ZNF518A: variants seen among roughly 807,000 people sequenced by gnomAD.
ZNF518A encodes the protein zinc finger protein 518.
In ZNF518A, 47 loss-of-function variants were observed where a neutral mutation model predicts 102.7. The ratio of observed to expected loss-of-function variants is 0.46; its 90% confidence interval spans 0.36 to 0.58. The LOEUF (loss-of-function observed/expected upper bound fraction) is 0.58, where lower values mean the gene tolerates loss of function less well. ZNF518A is among the 20% of genes least tolerant of loss of function. ZNF518A has a pLI of 0.00. For synonymous variants in ZNF518A, 652 were observed against 594.6 expected, an observed-to-expected ratio of 1.10 and a Z score of -1.40; for missense variants, 1,793 against 1,699.8, an observed-to-expected ratio of 1.05 and a Z score of -0.96.
intron 1 of ZNF518A, among the ~76,000 whole-genome samples, chr10:96,173,964 AAAT>A (rs2083188600): frequency 6.6e-6 from 1 of 152,144 alleles, no homozygotes; most frequent in South Asian, 2.1e-4. Context: ...GAAATTTTGA[AAAT>A]TCATAAATAT....
Position 96,160,212 on chromosome 10 carries a change from G to C in ZNF518A, c.3890G>C (p.Arg1297Thr). The C allele has an allele frequency of 6.2e-7, 1 of 1,611,774 alleles. No individual in the cohort carries two copies. Among genetic ancestry groups the C allele is most frequent in the Non-Finnish European group, 8.5e-7 (1 of 1,179,006 alleles). Residue 1297 changes from arginine (R) to threonine (T), a missense_variant, in exon 6 of 6, where the codon AGA (arginine) becomes ACA (threonine). Arg to Thr is a moderately conservative substitution (Grantham distance 71). Transcript: ENST00000316045. ...EPPRRKATLH[R>T]KCKEKAKPED... ...CCAAGAAGAAAAGCAACATTGCATA[G>C]AAAGTGTAAAGAAAAGGCAAAACCT...
intron 1 of ZNF518A, among the ~76,000 whole-genome samples, chr10:96,172,636 A>G (rs1554890995): frequency 6.6e-6 from 1 of 152,090 alleles, no homozygotes; most frequent in African/African-American, 2.4e-5. Context: ...ATAGATTCTG[A>G]TAAAGATGTA....
In ZNF518A at chr10:96,157,585, A is replaced by C. The variant is rs782352414; in HGVS notation, c.1263A>C (p.Gly421=). Reference sequence around the variant, plus strand: ...GTTTCATGAAGACTGCTGTACTAGGACCTACACTGAAAAATGTAATGATGA... The same window carrying C: ...GTTTCATGAAGACTGCTGTACTAGGCCCTACACTGAAAAATGTAATGATGA... ...SSGFMKTAVL[G]PTLKNVMMKN... is the part of the protein sequence containing the mutation. The change falls in exon 6 of 6, where the codon GGA becomes GGC. Residue 421 remains glycine, a synonymous_variant. Transcript: ENST00000316045. The C allele has an allele frequency of 8.1e-6, 13 of 1,613,776 alleles. No homozygotes were observed. Among genetic ancestry groups the C allele is most frequent in the Admixed American group, 1.7e-5 (1 of 59,998 alleles).
chr10:96,134,660 ATGAC>A (rs2081511403), intron 3 of ZNF518A, among the ~76,000 whole-genome samples: 1 of 152,250 alleles, frequency 6.6e-6, no homozygotes, highest in South Asian at 2.1e-4. Flanking sequence ...CTGCTGTGTG[ATGAC>A]TGACCAAAAC....
At chr10:96,137,897 A>T (rs2076759150) in intron 3 of ZNF518A, among the ~76,000 whole-genome samples, 2 of 152,100 alleles carry the variant, frequency 1.3e-5, no homozygotes, top group African/African-American at 4.8e-5. Flanking sequence ...CATCTCAGAT[A>T]TTACATGCCT....
rs1442275749 is a variant in ZNF518A, at chr10:96,156,234, G to A, written c.-89G>A. 7.7e-7 allele frequency: 1 copy of A among 1,292,336 alleles called. No individual in the cohort carries two copies. 80.1% of individuals were successfully genotyped at this position (1,292,336 alleles called of 1,614,324 possible). A position where few individuals can be genotyped will look rare whatever the true frequency, so the allele number is the denominator to read the frequency against. The stretch of plus-strand genomic sequence containing the variant: ...GGGAAAAATCCTGTATATTGAAGAT[G>A]TCTCTACACAGTATCGTTTCCTGTT... On this transcript the variant is annotated 5_prime_UTR_variant, in exon 6 of 6. The change abolishes an upstream ATG in the 5' untranslated region. Coordinates refer to ENST00000316045, the MANE Select transcript of ZNF518A (RefSeq NM_001330736.2).
chr10:96,169,925 A>T (rs587633739), intron 1 of ZNF518A, among the ~76,000 whole-genome samples: 2 of 152,186 alleles, frequency 1.3e-5, no homozygotes, highest in African/African-American at 2.4e-5. Context: ...TGTGAGTTTA[A>T]TGGTCAGCTA....
rs587748215 is a variant in ZNF518A at position 96,161,837 on chromosome 10, A to G, written c.*1063A>G. ...CTCAGTGTGACTGACAACCCAAAAC[A>G]TATATACAGATTGTTGGCATTTGCA... On this transcript the variant is annotated 3_prime_UTR_variant, in exon 6 of 6. Transcript: ENST00000316045. The G allele has an allele frequency of 6.0e-5, 10 of 167,136 alleles. No homozygotes were observed. Among genetic ancestry groups the G allele is most frequent in the East Asian group, 1.9e-4 (1 of 5,198 alleles). The allele number at this position is 167,136 out of a possible 1,614,324, so 10.4% of individuals were successfully genotyped here.
intron 1 of ZNF518A, among the ~76,000 whole-genome samples, chr10:96,196,377 G>A (rs1456448860): frequency 1.3e-5 from 2 of 152,148 alleles, no homozygotes; most frequent in East Asian, 3.8e-4. Context: ...GATTAAAGAG[G>A]CATTAAAGTT....
intron 3 of ZNF518A, among the ~76,000 whole-genome samples, chr10:96,150,768 A>C (rs1480984780): frequency 2.8e-4 from 1 of 3,626 alleles, no homozygotes; most frequent in Admixed American, 2.4e-3. Flanking sequence ...TTTTTTGGAG[A>C]CAGAGTCTCA....
intron 1 of ZNF518A, among the ~76,000 whole-genome samples, chr10:96,180,923 G>A (rs1427216607): frequency 6.6e-6 from 1 of 152,166 alleles, no homozygotes; most frequent in East Asian, 1.9e-4. Flanking sequence ...TTGCCACACT[G>A]TCTTCCACAA....
At chr10:96,189,740 C>T in intron 1 of ZNF518A, 1 of 732,172 alleles carries the variant, frequency 1.4e-6, no homozygotes, top group Non-Finnish European at 2.5e-6. Context: ...TCATCTTCAT[C>T]AGCAGCAAGT....
rs782603503 is a variant in ZNF518A at position 96,156,372 on chromosome 10, T to C, written c.50T>C (p.Leu17Ser). Residue 17 changes from leucine (L) to serine (S), a missense_variant, in exon 6 of 6, where the codon TTA (leucine) becomes TCA (serine). Coordinates refer to ENST00000316045, the MANE Select transcript of ZNF518A (RefSeq NM_001330736.2). ...QLFCDEKQTT[L>S]KKDYDVKNEI... ...TTTTGTGATGAAAAACAAACTACTT[T>C]AAAAAAAGATTATGATGTGAAAAAT... The C allele has an allele frequency of 6.9e-6, 11 of 1,592,458 alleles. No homozygotes were observed. Among genetic ancestry groups the C allele is most frequent in the Non-Finnish European group, 9.4e-6 (11 of 1,173,886 alleles).
rs587702252 is a variant in ZNF518A at position 96,185,707 on chromosome 10, G to A, written n.36-17867G>A. Among the ~76,000 whole-genome samples, 73 of 152,322 alleles carry A rather than the reference G, an allele frequency of 4.8e-4. 1 individual carries two copies. The South Asian group carries it at 0.014, about 29-fold the overall frequency. ...CTTCGTCTCAGATGGGCACCCGGCT[G>A]TATGAGGTGTCAGTCGGCCCCTACT... On this transcript the variant is annotated intron_variant and non_coding_transcript_variant, in intron 1 of 2. Coordinates refer to the ZNF518A transcript ENST00000442635.
chr10:96,160,352 A>G lies in ZNF518A; in HGVS notation c.4030A>G (p.Asn1344Asp). 6.2e-7 allele frequency: 1 copy of G among 1,613,570 alleles called. No homozygotes were observed. The highest frequency in any genetic ancestry group is 1.1e-5 in the South Asian group (1 of 90,998). ...SKQLVKCPRR[N>D]QPVVVLNHPD... is the part of the protein sequence containing the mutation. ...ACAGCTTGTGAAATGTCCTAGGAGA[A>G]ACCAACCAGTTGTAGTTTTGAATCA... Residue 1344 changes from asparagine to aspartate, a missense_variant, in exon 6 of 6, where the codon AAC becomes GAC. Asn to Asp is a conservative substitution (Grantham distance 23). Around this residue, in one of 3 missense-constraint regions of ZNF518A, gnomAD observed 1,741 missense variants for 1,622.6 expected, o/e 1.07. Coordinates refer to ENST00000316045, the MANE Select transcript of ZNF518A (RefSeq NM_001330736.2).
chr10:96,166,600 C>T (rs2083142289), downstream of ZNF518A, among the ~76,000 whole-genome samples: 1 of 151,972 alleles, frequency 6.6e-6, no homozygotes, highest in Non-Finnish European at 1.5e-5. Context: ...AACTGCGTCC[C>T]TCCTAAAAAT....
chr10:96,164,790 C>T (rs1055567762), downstream of ZNF518A, among the ~76,000 whole-genome samples: 26 of 152,086 alleles, frequency 1.7e-4, no homozygotes, highest in African/African-American at 7.2e-5. Flanking sequence ...ATACTTTTTC[C>T]TAGTAAAGAC....
chr10:96,143,948 C>G (rs1386619216), intron 3 of ZNF518A, among the ~76,000 whole-genome samples: 2 of 152,132 alleles, frequency 1.3e-5, no homozygotes, highest in Non-Finnish European at 2.9e-5. Flanking sequence ...ATCATTTCTC[C>G]TAATTTAAAA....
chr10:96,148,755 G>A (rs1164600655), intron 3 of ZNF518A, among the ~76,000 whole-genome samples: 36 of 152,266 alleles, frequency 2.4e-4, no homozygotes, highest in East Asian at 3.9e-4. Flanking sequence ...TCGCCCTGTC[G>A]CCCAGGCTGG....
Sources: allele counts gnomAD v4.1 joint callset (sites outside exome capture counted in the v4.1 genomes callset), GRCh38; gene constraint gnomAD v4.1.1; regional missense constraint gnomAD v4.1.1; transcripts MANE v1.5; gene names NCBI Gene and HGNC (gene_info 2026-07-23, HGNC 2026-07-21).